TCERG1L: variants seen among roughly 807,000 people sequenced by gnomAD.
TCERG1L encodes the protein transcription elongation regulator 1 like, also known as transcription elongation regulator 1-like protein.
Under a neutral mutation model 56.3 loss-of-function variants are expected in TCERG1L, and 37 were observed. The observed-to-expected ratio is 0.66, with a 90% CI of 0.51 to 0.87. The LOEUF (loss-of-function observed/expected upper bound fraction) is 0.87. TCERG1L is among the 40% of genes least tolerant of loss of function. The pLI is 0.00. For synonymous variants in TCERG1L, 324 were observed against 326.3 expected, an observed-to-expected ratio of 0.99 and a Z score of 0.08; for missense variants, 799 against 774.2, an observed-to-expected ratio of 1.03 and a Z score of -0.38.
intron 3 of TCERG1L, among the ~76,000 whole-genome samples, chr10:131,307,190 T>G (rs1846825792): frequency 6.6e-6 from 1 of 152,234 alleles, no homozygotes; most frequent in Non-Finnish European, 1.5e-5. Context: ...GCATGTACCA[T>G]GCTCACTCAG....
At chr10:131,208,422 C>T (rs766426526) in intron 4 of TCERG1L, among the ~76,000 whole-genome samples, 1 of 152,206 alleles carries the variant, frequency 6.6e-6, no homozygotes, top group African/African-American at 2.4e-5. Context: ...TGCATGTGAA[C>T]GATGGTGAGC....
intron 6 of TCERG1L, among the ~76,000 whole-genome samples, chr10:131,147,775 T>C (rs564427403): frequency 1.3e-5 from 2 of 152,254 alleles, no homozygotes; most frequent in Admixed American, 6.5e-5. Context: ...CCCCGACCTG[T>C]TGGGGGTACT....
intron 3 of TCERG1L, among the ~76,000 whole-genome samples, chr10:131,303,260 C>T (rs1846785939): frequency 6.6e-6 from 1 of 152,084 alleles, no homozygotes. Context: ...AAAAGCGTTC[C>T]TATTTCTCCA....
rs549831089 is a variant in TCERG1L at position 131,300,906 on chromosome 10, G to A, written c.670+7305C>T. Among the ~76,000 whole-genome samples the A allele has an allele frequency of 5.3e-5, 8 of 152,166 alleles. No individual in the cohort carries two copies. In the South Asian group the frequency reaches 6.2e-4, roughly 12 times the overall value. On this transcript the variant is annotated intron_variant, in intron 3 of 11. Transcript: ENST00000368642. ...GCAATTTTGTCAGTGTATTCAGGGG[G>A]TGGACCTGGATTTGGATTTTGTTGT...
At chr10:131,239,556 T>G (rs1845949444) in intron 4 of TCERG1L, among the ~76,000 whole-genome samples, 1 of 152,204 alleles carries the variant, frequency 6.6e-6, no homozygotes, top group Non-Finnish European at 1.5e-5. Flanking sequence ...GCTCCAGGTG[T>G]GTGCTTGCAG....
rs866357766 is a variant in TCERG1L at position 131,104,286 on chromosome 10, G to A, written c.1464C>T (p.Leu488=). 1 of 1,550,274 alleles carries A rather than the reference G, an allele frequency of 6.5e-7. No homozygotes were observed. Among genetic ancestry groups the A allele is most frequent in the African/African-American group, 1.4e-5 (1 of 73,044 alleles). ...KIVFDPRYLL[L]NSEERKQIFE... ...TTACCTGCTTTCGTTCCTCAGAGTT[G>A]AGCAGGAGATAGCGTGGGTCAAACA... Residue 488 remains leucine, a synonymous_variant, in exon 10 of 12, where the codon CTC becomes CTT. Transcript: ENST00000368642.
At chr10:131,131,594 A>G (rs1455791677) in intron 8 of TCERG1L, among the ~76,000 whole-genome samples, 2 of 152,236 alleles carry the variant, frequency 1.3e-5, no homozygotes, top group African/African-American at 4.8e-5. Flanking sequence ...CTCCTCCGAG[A>G]GAATTTCAGG....
At chr10:131,112,357 T>A (rs528000194) in intron 9 of TCERG1L, among the ~76,000 whole-genome samples, 1 of 142,612 alleles carries the variant, frequency 7.0e-6, no homozygotes, top group African/African-American at 2.5e-5. Flanking sequence ...TGCCCCAACC[T>A]ACCCCCAGCG....
Position 131,158,281 on chromosome 10 carries a change from A to G in TCERG1L, c.1034+4841T>C, listed in dbSNP as rs891779765. Among the ~76,000 whole-genome samples the G allele has an allele frequency of 9.9e-5, 15 of 152,204 alleles. 1 individual carries two copies. Among genetic ancestry groups the G allele is most frequent in the South Asian group, 4.1e-4 (2 of 4,826 alleles). ...CATTGCTTTCTAAGACGCTTTCCCA[A>G]GAGCAGGTGCATATCAGAAAAATGC... On this transcript the variant is annotated intron_variant, in intron 6 of 11. Coordinates refer to ENST00000368642, the MANE Select transcript of TCERG1L (RefSeq NM_174937.4).
chr10:131,296,595 G>A (rs188285958), intron 3 of TCERG1L, among the ~76,000 whole-genome samples: 5 of 152,298 alleles, frequency 3.3e-5, no homozygotes, highest in South Asian at 2.1e-4. Context: ...CAGAACTACT[G>A]TGGTGATTCC....
chr10:131,266,040 A>C (rs1589766640), intron 3 of TCERG1L, among the ~76,000 whole-genome samples: 1 of 152,264 alleles, frequency 6.6e-6, no homozygotes, highest in Admixed American at 6.5e-5. Flanking sequence ...TTATCAACTC[A>C]GTCTATGTAA....
chr10:131,247,457 T>C (rs1040056973), intron 4 of TCERG1L, among the ~76,000 whole-genome samples: 1 of 152,180 alleles, frequency 6.6e-6, no homozygotes, highest in Non-Finnish European at 1.5e-5. Flanking sequence ...AGCTCCTTCC[T>C]TAAGTGTCCT....
At chr10:131,182,358 CCT>C (rs1255861117) in intron 4 of TCERG1L, among the ~76,000 whole-genome samples, 1 of 152,216 alleles carries the variant, frequency 6.6e-6, no homozygotes, top group African/African-American at 2.4e-5. Flanking sequence ...TCTTTGTGCC[CCT>C]GTCCCTAGCT....
intron 5 of TCERG1L, among the ~76,000 whole-genome samples, chr10:131,165,819 T>G (rs1211578382): frequency 6.6e-6 from 1 of 152,218 alleles, no homozygotes; most frequent in Non-Finnish European, 1.5e-5. Context: ...GGTTATGATT[T>G]CCTGTTGGTG....
intron 4 of TCERG1L, among the ~76,000 whole-genome samples, chr10:131,237,423 T>G (rs911737705): frequency 8.5e-5 from 13 of 152,226 alleles, no homozygotes; most frequent in African/African-American, 3.1e-4. Context: ...TTTTTGTTTC[T>G]CAAGATTTTC....
At chr10:131,154,983 G>A (rs563057747) in intron 6 of TCERG1L, among the ~76,000 whole-genome samples, 62 of 152,306 alleles carry the variant, frequency 4.1e-4, no homozygotes, top group South Asian at 1.0e-3. Flanking sequence ...TGCTCCAGGC[G>A]CTGGCGGCTG....
chr10:131,226,608 G>A (rs577933194), intron 4 of TCERG1L, among the ~76,000 whole-genome samples: 1 of 152,354 alleles, frequency 6.6e-6, no homozygotes, highest in South Asian at 2.1e-4. Flanking sequence ...AGCCACTGAA[G>A]GAAGGGAGAG....
chr10:131,219,131 G>A (rs74160874), intron 4 of TCERG1L, among the ~76,000 whole-genome samples: 6,120 of 152,124 alleles, frequency 0.04, 257 homozygotes, highest in African/African-American at 0.096. Context: ...GCTCCGTCCC[G>A]CAGTCATGAT....
At chr10:131,308,974 GC>G (rs1021055268) in intron 2 of TCERG1L, among the ~76,000 whole-genome samples, 178 bp downstream of exon 2, 1 of 151,984 alleles carries the variant, frequency 6.6e-6, no homozygotes, top group Non-Finnish European at 1.5e-5. Flanking sequence ...AAAACAAAAT[GC>G]CCCCCACCAG....
Sources: gnomAD v4.1 joint callset for allele counts (sites outside exome capture counted in the v4.1 genomes callset) on GRCh38, gnomAD v4.1.1 for gene constraint, MANE v1.5 for transcripts, NCBI Gene and HGNC (gene_info 2026-07-23, HGNC 2026-07-21) for gene names.